Variants in AFTPH observed in about 807,000 individuals in gnomAD.
AFTPH encodes aftiphilin protein.
A neutral mutation model predicts 72.5 loss-of-function variants in AFTPH; 7 were observed. That is an observed-to-expected ratio of 0.10 (90% CI 0.05 to 0.18). The LOEUF (loss-of-function observed/expected upper bound fraction) is 0.18. Ranked by LOEUF, AFTPH falls within the 10% of genes least tolerant of loss-of-function variation. The pLI is 1.00. For synonymous variants in AFTPH, 337 were observed against 370.1 expected (o/e 0.91, Z 1.03); for missense variants, 979 against 1,060.5 (o/e 0.92, Z 1.07).
exon 2 of AFTPH, chr2:64,553,167 G>C: frequency 6.2e-7 from 1 of 1,614,138 alleles, no homozygotes; most frequent in Non-Finnish European, 8.5e-7. Context: ...CAGTTCAGCT[G>C]GTCCTAGCCA....
exon 4 of AFTPH, chr2:64,569,162 G>T (rs747289920): frequency 5.0e-6 from 8 of 1,614,042 alleles, no homozygotes; most frequent in Non-Finnish European, 6.8e-6. Context: ...CCAGTGGGGC[G>T]GCTCCCATAG....
intron 2 of AFTPH, among the ~76,000 whole-genome samples, chr2:64,559,452 G>A (rs1671584868): frequency 6.6e-6 from 1 of 152,178 alleles, no homozygotes; most frequent in African/African-American, 2.4e-5. Flanking sequence ...GAGCAGTGGT[G>A]TAAGTTCCAG....
At chr2:64,581,865 G>GA (rs909296195) in intron 7 of AFTPH, among the ~76,000 whole-genome samples, 3 of 151,540 alleles carry the variant, frequency 2.0e-5, no homozygotes, top group African/African-American at 7.3e-5. Flanking sequence ...TTTTCCATGG[G>GA]AAAAAAAATG....
At chr2:64,552,471 A>C (rs1250730429) in exon 2 of AFTPH, 3 of 1,614,066 alleles carry the variant, frequency 1.9e-6, no homozygotes, top group Admixed American at 3.3e-5. Flanking sequence ...TGTTCAGTCA[A>C]AGGCTTGGAG....
chr2:64,540,264 G>A (rs1033011364), intron 1 of AFTPH, among the ~76,000 whole-genome samples: 21 of 152,072 alleles, frequency 1.4e-4, no homozygotes, highest in Non-Finnish European at 2.2e-4. Context: ...TTTTCCAAGG[G>A]CTAATCCATC....
intron 1 of AFTPH, among the ~76,000 whole-genome samples, chr2:64,549,520 C>T (rs1572971911): frequency 6.6e-6 from 1 of 150,716 alleles, no homozygotes; most frequent in African/African-American, 2.4e-5. Context: ...GGGGTTTCAC[C>T]GTGTTGGCCA....
At chr2:64,574,720 G>T (rs1276140275) in intron 6 of AFTPH, among the ~76,000 whole-genome samples, 8 of 152,220 alleles carry the variant, frequency 5.3e-5, no homozygotes, top group African/African-American at 1.9e-4. Context: ...TGTTTACAAT[G>T]CCTGGCCTTG....
At chr2:64,536,559 T>C (rs1669897093) in intron 1 of AFTPH, among the ~76,000 whole-genome samples, 2 of 107,604 alleles carry the variant, frequency 1.9e-5, no homozygotes, top group Admixed American at 1.1e-4. Context: ...AGAGCGAGAC[T>C]CCATCTTAAA....
chr2:64,531,920 A>C (rs192087361), intron 1 of AFTPH, among the ~76,000 whole-genome samples: 37 of 152,354 alleles, frequency 2.4e-4, no homozygotes, highest in Non-Finnish European at 4.1e-4. Context: ...AGATTAACTT[A>C]ACTCTTATAG....
At chr2:64,548,432 A>G (rs974819438) in intron 1 of AFTPH, among the ~76,000 whole-genome samples, 8 of 150,416 alleles carry the variant, frequency 5.3e-5, no homozygotes, top group African/African-American at 1.7e-4. Flanking sequence ...AAAAAAAAAA[A>G]AAACTTTAGA....
At chr2:64,562,899 C>G (rs1395030275) in intron 2 of AFTPH, among the ~76,000 whole-genome samples, 1 of 152,138 alleles carries the variant, frequency 6.6e-6, no homozygotes, top group Admixed American at 6.5e-5. Flanking sequence ...TAGAGCTCAG[C>G]CAGTGTCACT....
chr2:64,556,295 A>G (rs1053780693), intron 2 of AFTPH, among the ~76,000 whole-genome samples: 1 of 152,084 alleles, frequency 6.6e-6, no homozygotes, highest in Non-Finnish European at 1.5e-5. Context: ...GCCTCCTCAC[A>G]TATTAATAAC....
At chr2:64,558,967 GA>G (rs1316794547) in intron 2 of AFTPH, among the ~76,000 whole-genome samples, 4 of 151,848 alleles carry the variant, frequency 2.6e-5, no homozygotes, top group African/African-American at 7.3e-5. Flanking sequence ...GGCATACCCA[GA>G]AAAAAAACCC....
chr2:64,579,407 A>AT, intron 6 of AFTPH, 79 bp from the exon 7 acceptor site: 2 of 1,137,418 alleles, frequency 1.8e-6, no homozygotes, highest in Non-Finnish European at 2.6e-6. Context: ...TGGTCTTGCT[A>AT]TAATTTTTTT....
intron 1 of AFTPH, among the ~76,000 whole-genome samples, chr2:64,545,351 A>C (rs1572961684): frequency 6.6e-6 from 1 of 151,652 alleles, no homozygotes; most frequent in East Asian, 1.9e-4. Flanking sequence ...TGCCCACAAA[A>C]ACCTGTATAT....
At chr2:64,585,637 T>C in intron 8 of AFTPH, 92 bp downstream of exon 9, 1 of 1,380,604 alleles carries the variant, frequency 7.2e-7, no homozygotes, top group Non-Finnish European at 9.7e-7. Context: ...CATTTCAATA[T>C]ATTATATCAC....
At chr2:64,573,054 T>A in exon 6 of AFTPH, 1 of 1,613,916 alleles carries the variant, frequency 6.2e-7, no homozygotes, top group African/African-American at 1.3e-5. Context: ...CACATGTACA[T>A]CTGATCAGTT....
chr2:64,581,604 TTC>T (rs1456984220), intron 7 of AFTPH, among the ~76,000 whole-genome samples: 3 of 151,980 alleles, frequency 2.0e-5, no homozygotes, highest in Admixed American at 6.5e-5. Flanking sequence ...TAAAAGCATA[TTC>T]TATAAAGCCA....
chr2:64,541,464 G>A (rs962411471), intron 1 of AFTPH, among the ~76,000 whole-genome samples: 2 of 152,058 alleles, frequency 1.3e-5, no homozygotes, highest in Admixed American at 6.5e-5. Flanking sequence ...AATTATTTCT[G>A]TAGATTTTAA....
Sources: allele counts gnomAD v4.1 joint callset (sites outside exome capture counted in the v4.1 genomes callset), GRCh38; gene constraint gnomAD v4.1.1; transcripts MANE v1.5; gene names NCBI Gene and HGNC (gene_info 2026-07-23, HGNC 2026-07-21).